Variants in GAS7 observed in about 807,000 individuals in gnomAD.
GAS7 encodes the protein growth arrest-specific protein 7.
A neutral mutation model predicts 71.1 loss-of-function variants in GAS7; 28 were observed. The ratio of observed to expected loss-of-function variants is 0.39; its 90% CI spans 0.29 to 0.54. The LOEUF is 0.54. Among genes scored for constraint, GAS7 ranks in the 20% least tolerant of loss-of-function variants. GAS7 has a pLI of 0.62. For missense variants in GAS7, 436 were observed against 627.8 expected (o/e 0.69, Z 3.27); for synonymous variants, 258 against 245.8 (o/e 1.05, Z -0.46).
chr17:9,973,759 A>G (rs1190632664), intron 3 of GAS7, among the ~76,000 whole-genome samples: 4 of 152,238 alleles, frequency 2.6e-5, no homozygotes, highest in Non-Finnish European at 5.9e-5. Flanking sequence ...AGAAAGACAC[A>G]TCCATGCATA....
At chr17:10,142,637 C>T (rs936195297) in intron 1 of GAS7, among the ~76,000 whole-genome samples, 2 of 152,164 alleles carry the variant, frequency 1.3e-5, no homozygotes, top group Non-Finnish European at 2.9e-5. Flanking sequence ...CAGGCATGAG[C>T]CACCGTGCCT....
In GAS7 at chr17:9,912,430, G is replaced by T. The variant is rs1468397385; in HGVS notation, c.*4798C>A. ...CAGATCCAGGAAAGCATCATGATGAGCCCCAGGGCCAGCCCCAGCCTTCTT... is the reference window on the plus strand; with the variant it reads ...CAGATCCAGGAAAGCATCATGATGATCCCCAGGGCCAGCCCCAGCCTTCTT... On this transcript the variant is annotated 3_prime_UTR_variant, in exon 14 of 14. Transcript: ENST00000432992. 4.3e-6 allele frequency: 1 copy of T among 233,002 alleles called. No homozygotes were observed. Among genetic ancestry groups the T allele is most frequent in the African/African-American group, 2.2e-5 (1 of 45,336 alleles). The allele number at this position is 233,002 out of a possible 1,614,324, so 14.4% of individuals were successfully genotyped here.
chr17:10,176,098 C>T (rs1440218551), intron 1 of GAS7, among the ~76,000 whole-genome samples: 1 of 152,202 alleles, frequency 6.6e-6, no homozygotes, highest in Non-Finnish European at 1.5e-5. Flanking sequence ...ACACCTCGAG[C>T]CTTAGAGGGG....
intron 2 of GAS7, among the ~76,000 whole-genome samples, chr17:9,995,723 C>A (rs2071017152): frequency 6.6e-6 from 1 of 152,130 alleles, no homozygotes; most frequent in Non-Finnish European, 1.5e-5. Context: ...TTGGAGATAT[C>A]CATCAAAAGC....
rs188395946 is a variant in GAS7, at chr17:10,106,405, C to T, written c.184-86508G>A. Reference sequence around the variant, plus strand: ...CCCATGTGCAGGCACACAGATAATCCCCAAGACCATGTCTAAAATTCAACA... The same window carrying T: ...CCCATGTGCAGGCACACAGATAATCTCCAAGACCATGTCTAAAATTCAACA... On this transcript the variant is annotated intron_variant, in intron 1 of 13. Transcript: ENST00000432992. 6.1e-4 allele frequency among the ~76,000 whole-genome samples: 93 copies of T among 152,306 alleles called. 1 individual carries two copies. The South Asian group carries it at 7.9e-3, about 13-fold the overall frequency.
intron 1 of GAS7, among the ~76,000 whole-genome samples, chr17:10,131,781 G>A (rs1384384965): frequency 6.6e-6 from 1 of 152,012 alleles, no homozygotes; most frequent in Non-Finnish European, 1.5e-5. Flanking sequence ...ATGAATGTAT[G>A]AAAACATGTA....
intron 1 of GAS7, among the ~76,000 whole-genome samples, chr17:10,072,673 A>ACAGATAGT (rs2073352833): frequency 1.3e-5 from 2 of 152,114 alleles, no homozygotes; most frequent in South Asian, 4.1e-4. Flanking sequence ...CTATCTGTCC[A>ACAGATAGT]CAACCCTACC....
At chr17:10,121,103 A>G (rs1186135267) in intron 1 of GAS7, among the ~76,000 whole-genome samples, 1 of 152,238 alleles carries the variant, frequency 6.6e-6, no homozygotes, top group Non-Finnish European at 1.5e-5. Context: ...GCTCTAGGCC[A>G]GGAACTGTGG....
chr17:10,098,102 G>C (rs909538465), intron 1 of GAS7, among the ~76,000 whole-genome samples: 4 of 151,732 alleles, frequency 2.6e-5, no homozygotes, highest in Non-Finnish European at 5.9e-5. Context: ...GAGACCCTGG[G>C]GTGTCCCCAA....
At chr17:10,052,414 G>C (rs563131357) in intron 1 of GAS7, among the ~76,000 whole-genome samples, 1 of 152,172 alleles carries the variant, frequency 6.6e-6, no homozygotes, top group Non-Finnish European at 1.5e-5. Context: ...GGGTCCCAGC[G>C]GGGAGAAACA....
chr17:10,184,054 C>T (rs187377839), intron 1 of GAS7, among the ~76,000 whole-genome samples: 118 of 152,270 alleles, frequency 7.7e-4, no homozygotes, highest in African/African-American at 2.8e-3. Flanking sequence ...ACAAACCAAA[C>T]CACACAAAAC....
At position 9,959,496 on chromosome 17, in the gene GAS7, G is replaced by A; in HGVS notation, c.472-241C>T. 4.4e-6 allele frequency: 6 copies of A among 1,366,078 alleles called. No individual in the cohort carries two copies. The highest frequency in any genetic ancestry group is 5.7e-6 in the Non-Finnish European group (6 of 1,056,344). The allele number at this position is 1,366,078 out of a possible 1,614,324, so 84.6% of individuals were successfully genotyped here. On this transcript the variant is annotated intron_variant, in intron 4 of 13. Transcript: ENST00000432992. This position sits in a 1 kb window ranked among gnomAD's most constrained non-coding sequence, Gnocchi z 5.0. ...CTCCTGCACAGGCTCTGAGAGAACT[G>A]CTCCAAACCAGGTCTCCCCTCCTCT...
At chr17:10,005,253 G>GTA (rs1405189378) in intron 2 of GAS7, among the ~76,000 whole-genome samples, 1 of 151,060 alleles carries the variant, frequency 6.6e-6, no homozygotes, top group African/African-American at 2.5e-5. Context: ...ATGCATGTGT[G>GTA]TGCACACATA....
chr17:10,042,090 T>C (rs2072879495), intron 1 of GAS7, among the ~76,000 whole-genome samples: 1 of 151,404 alleles, frequency 6.6e-6, no homozygotes, highest in Non-Finnish European at 1.5e-5. Context: ...AGGTCACGAG[T>C]TCAAAACCAG....
At chr17:9,965,893 G>A (rs2152117839) in intron 4 of GAS7, among the ~76,000 whole-genome samples, 1 of 152,182 alleles carries the variant, frequency 6.6e-6, no homozygotes, top group Non-Finnish European at 1.5e-5. Context: ...GAACTGTGGG[G>A]CACCCACTAT....
chr17:10,112,588 A>T (rs2073823578), intron 1 of GAS7, among the ~76,000 whole-genome samples: 2 of 152,170 alleles, frequency 1.3e-5, no homozygotes, highest in South Asian at 4.2e-4. Flanking sequence ...ATACAAAATT[A>T]GCCGGGCATG....
chr17:10,020,015 G>T, intron 1 of GAS7, 118 bp from the exon 2 acceptor site: 1 of 982,878 alleles, frequency 1.0e-6, no homozygotes, highest in Non-Finnish European at 1.5e-6. Flanking sequence ...GAAGTCTGCG[G>T]CCCATAAACC....
chr17:9,932,626 G>A (rs1483688527), intron 9 of GAS7, among the ~76,000 whole-genome samples: 1 of 152,174 alleles, frequency 6.6e-6, no homozygotes, highest in Non-Finnish European at 1.5e-5. Flanking sequence ...AAAACCTGGA[G>A]GTATGTGCCA....
At chr17:10,065,268 T>C (rs1021959793) in intron 1 of GAS7, among the ~76,000 whole-genome samples, 7 of 152,226 alleles carry the variant, frequency 4.6e-5, no homozygotes, top group African/African-American at 1.7e-4. Context: ...GTGGGTAAGC[T>C]TCTCTTCCAA....
Sources: allele counts gnomAD v4.1 joint callset (sites outside exome capture counted in the v4.1 genomes callset), GRCh38; gene constraint gnomAD v4.1.1; non-coding constraint Gnocchi (gnomAD v3.1); transcripts MANE v1.5; gene names NCBI Gene and HGNC (gene_info 2026-07-23, HGNC 2026-07-21).